OPA1: variants seen among roughly 807,000 people sequenced by gnomAD.
The protein encoded by OPA1 is OPA1 mitochondrial dynamin like GTPase.
In OPA1, 59 loss-of-function variants were observed where a neutral mutation model predicts 152.9. That is an observed-to-expected ratio of 0.39 (90% CI 0.31 to 0.48). The LOEUF is 0.48. Among genes scored for constraint, OPA1 ranks in the 20% least tolerant of loss-of-function variants. OPA1 has a pLI of 0.96. For missense variants in OPA1, 1,008 were observed against 1,216.8 expected (o/e 0.83, Z 2.55); for synonymous variants, 400 against 389.9 (o/e 1.03, Z -0.31).
At chr3:193,635,561 C>A in intron 9 of OPA1, 39 bp downstream of exon 9, 5 of 1,218,312 alleles carry the variant, frequency 4.1e-6, no homozygotes, top group South Asian at 3.6e-5. Context: ...AAAATTTTAC[C>A]GCTTAACGTT....
chr3:193,594,756 T>G (rs546209268), intron 1 of OPA1, among the ~76,000 whole-genome samples: 15 of 152,302 alleles, frequency 9.8e-5, no homozygotes, highest in African/African-American at 3.6e-4. Context: ...TAGTTAACAG[T>G]GTTAGTCAGT....
chr3:193,693,174 C>T (rs1356553855), intron 30 of OPA1, among the ~76,000 whole-genome samples: 1 of 152,150 alleles, frequency 6.6e-6, no homozygotes, highest in East Asian at 1.9e-4. Context: ...GGCTCTTAAA[C>T]CAAACTACCT....
intron 29 of OPA1, among the ~76,000 whole-genome samples, chr3:193,683,021 C>G (rs1026470615): frequency 1.3e-5 from 2 of 151,986 alleles, no homozygotes; most frequent in Non-Finnish European, 2.9e-5. Context: ...AAAGGACTCA[C>G]CATTTTAGAT....
At chr3:193,618,665 G>A (rs1003862595) in intron 5 of OPA1, 36 of 547,456 alleles carry the variant, frequency 6.6e-5, no homozygotes, top group Middle Eastern at 4.9e-4. Context: ...CATATGCTGC[G>A]ATTGCTATAG....
chr3:193,616,740 C>T (rs1466478795), intron 3 of OPA1, among the ~76,000 whole-genome samples: 1 of 152,148 alleles, frequency 6.6e-6, no homozygotes, highest in Admixed American at 6.5e-5. Flanking sequence ...ATATTTTCAT[C>T]AAATTTTTTT....
At chr3:193,627,321 G>A (rs1731316375) in intron 7 of OPA1, 1 of 152,116 alleles carries the variant, frequency 6.6e-6, no homozygotes, top group South Asian at 2.1e-4. Context: ...GCTTCGGTGA[G>A]CAAAAACATA....
chr3:193,695,036 A>C lies in OPA1; in HGVS notation c.*436A>C, dbSNP rs983371276. Reference sequence around the variant, plus strand: ...TTGTTTAAAGTTATCAATTGTATATAAAATCACAGTAGCCTGCTAAATCAT... The same window carrying C: ...TTGTTTAAAGTTATCAATTGTATATCAAATCACAGTAGCCTGCTAAATCAT... On this transcript the variant is annotated 3_prime_UTR_variant, in exon 31 of 31. Coordinates refer to ENST00000361510, the MANE Select transcript of OPA1 (RefSeq NM_130837.3). The C allele has an allele frequency of 6.6e-6, 1 of 152,266 alleles. No homozygotes were observed. The highest frequency in any genetic ancestry group is 6.5e-5 in the Admixed American group (1 of 15,292). The allele number at this position is 152,266 out of a possible 1,614,324, so 9.4% of individuals were successfully genotyped here. A position where few individuals can be genotyped will look rare whatever the true frequency, so the allele number is the denominator to read the frequency against.
intron 1 of OPA1, among the ~76,000 whole-genome samples, chr3:193,611,183 G>A (rs1490100849): frequency 1.3e-5 from 2 of 152,298 alleles, no homozygotes; most frequent in African/African-American, 4.8e-5. Context: ...GGAACCGCCC[G>A]ATTGTGATTT....
chr3:193,625,776 T>TAA (rs35044042), intron 6 of OPA1, among the ~76,000 whole-genome samples: 39 of 142,812 alleles, frequency 2.7e-4, no homozygotes, highest in African/African-American at 8.9e-4. Context: ...TCAACACTGT[T>TAA]AAAAAAAAAA....
At chr3:193,593,737 T>C (rs1325274968) in intron 1 of OPA1, among the ~76,000 whole-genome samples, 1 of 152,156 alleles carries the variant, frequency 6.6e-6, no homozygotes, top group Non-Finnish European at 1.5e-5. Context: ...TGGTTGCCTC[T>C]TTTGCCTTTT....
At chr3:193,616,953 G>A (rs544502437) in intron 3 of OPA1, among the ~76,000 whole-genome samples, 5 of 152,330 alleles carry the variant, frequency 3.3e-5, no homozygotes, top group African/African-American at 1.2e-4. Flanking sequence ...ACAGCGTAGT[G>A]GCTGAGAGCC....
intron 10 of OPA1, 51 bp downstream of exon 10, chr3:193,637,332 C>T: frequency 8.9e-7 from 1 of 1,126,886 alleles, no homozygotes; most frequent in Non-Finnish European, 1.4e-6. Context: ...AAAGAAGCAG[C>T]TTAGCTTCCT....
At chr3:193,615,806 C>T in intron 3 of OPA1, 36 bp downstream of exon 3, 1 of 1,165,720 alleles carries the variant, frequency 8.6e-7, no homozygotes, top group South Asian at 1.2e-5. Flanking sequence ...TTTTTTTGGT[C>T]ATCTCGAGGA....
chr3:193,624,079 A>G (rs1015881947), intron 6 of OPA1: 3 of 152,642 alleles, frequency 2.0e-5, no homozygotes, highest in African/African-American at 4.8e-5. Flanking sequence ...TGATTGGAGT[A>G]TTTACCATGC....
intron 29 of OPA1, among the ~76,000 whole-genome samples, chr3:193,682,421 G>A (rs1341156343): frequency 6.6e-6 from 1 of 152,142 alleles, no homozygotes; most frequent in East Asian, 1.9e-4. Context: ...AATTGATGAA[G>A]GTGATTATAC....
At chr3:193,603,082 A>G (rs1444693637) in intron 1 of OPA1, among the ~76,000 whole-genome samples, 1 of 152,204 alleles carries the variant, frequency 6.6e-6, no homozygotes, top group Non-Finnish European at 1.5e-5. Context: ...ATTGATTATA[A>G]GCCATTTTAG....
chr3:193,631,263 C>T (rs540180361), intron 7 of OPA1, among the ~76,000 whole-genome samples: 1 of 152,300 alleles, frequency 6.6e-6, no homozygotes, highest in Non-Finnish European at 1.5e-5. Flanking sequence ...CCCCAAATAT[C>T]TGAATCCCTA....
intron 15 of OPA1, 64 bp from the exon 16 acceptor site, chr3:193,643,911 C>T: frequency 2.6e-6 from 4 of 1,539,392 alleles, no homozygotes; most frequent in Middle Eastern, 3.4e-4. Context: ...ATAATTTGTA[C>T]TGAGTTTTAA....
At chr3:193,641,992 TG>T (rs1184457132) in intron 11 of OPA1, among the ~76,000 whole-genome samples, 2 of 152,172 alleles carry the variant, frequency 1.3e-5, no homozygotes, top group African/African-American at 4.8e-5. Context: ...GGCGGGCATC[TG>T]TAATCCCAGC....
Sources: allele counts gnomAD v4.1 joint callset (sites outside exome capture counted in the v4.1 genomes callset), GRCh38; gene constraint gnomAD v4.1.1; transcripts MANE v1.5; gene names NCBI Gene and HGNC (gene_info 2026-07-23, HGNC 2026-07-21).